SPA17: variants seen among roughly 807,000 people sequenced by gnomAD.
The protein encoded by SPA17 is sperm surface protein Sp17.
A neutral mutation model predicts 13.8 loss-of-function variants in SPA17; 7 were observed. That is an observed-to-expected ratio of 0.51 (90% CI 0.29 to 0.95). The LOEUF (loss-of-function observed/expected upper bound fraction) is 0.95. Ranked by LOEUF, SPA17 falls within the 40% of genes least tolerant of loss-of-function variation. SPA17 has a pLI of 0.08. For synonymous variants in SPA17, 61 were observed against 59.0 expected, an observed-to-expected ratio of 1.03 and a Z score of -0.16; for missense variants, 170 against 179.3, an observed-to-expected ratio of 0.95 and a Z score of 0.30.
chr11:124,692,763 A>G (rs944983442), intron 4 of SPA17, among the ~76,000 whole-genome samples: 1 of 152,138 alleles, frequency 6.6e-6, no homozygotes, highest in Non-Finnish European at 1.5e-5. Context: ...ATCATTGTCT[A>G]TATTCTTCAT....
chr11:124,697,170 T>C lies in SPA17; in HGVS notation c.*2724T>C, dbSNP rs1209796971. 1 of 152,270 alleles carries C rather than the reference T, an allele frequency of 6.6e-6. No individual in the cohort carries two copies. The highest frequency in any genetic ancestry group is 1.5e-5 in the Non-Finnish European group (1 of 68,070). 9.4% of individuals were successfully genotyped at this position (152,270 alleles called of 1,614,324 possible). A position where few individuals can be genotyped will look rare whatever the true frequency, so the allele number is the denominator to read the frequency against. ...TGTGAATTATTGCAATAACCTATATTGGCCAGTGATTATCTCACTACTACT... is the reference window on the plus strand; with the variant it reads ...TGTGAATTATTGCAATAACCTATATCGGCCAGTGATTATCTCACTACTACT... On this transcript the variant is annotated 3_prime_UTR_variant, in exon 5 of 5. Transcript: ENST00000227135.
intron 4 of SPA17, 100 bp from the exon 5 acceptor site, chr11:124,694,203 G>C: frequency 2.1e-6 from 3 of 1,446,936 alleles, no homozygotes; most frequent in Non-Finnish European, 2.8e-6. Context: ...CTCTCAGATA[G>C]TTGCATCCCT....
rs1452726290 is a variant in SPA17, at chr11:124,695,208, T to G, written c.*762T>G. 6.6e-6 allele frequency: 1 copy of G among 152,256 alleles called. No individual in the cohort carries two copies. The highest frequency in any genetic ancestry group is 1.5e-5 in the Non-Finnish European group (1 of 68,052). 9.4% of individuals were successfully genotyped at this position (152,256 alleles called of 1,614,324 possible). A position where few individuals can be genotyped will look rare whatever the true frequency, so the allele number is the denominator to read the frequency against. ...ATTCAATCATTTATTGAAAATGTAT[T>G]GAGTACTATTCATGTGCTGGGAATT... On this transcript the variant is annotated 3_prime_UTR_variant, in exon 5 of 5. Transcript: ENST00000227135.
intron 3 of SPA17, among the ~76,000 whole-genome samples, chr11:124,683,733 A>C (rs903194091): frequency 6.6e-6 from 1 of 151,730 alleles, no homozygotes; most frequent in Non-Finnish European, 1.5e-5. Context: ...ACAACAACAA[A>C]CAAGTTTATT....
intron 2 of SPA17, among the ~76,000 whole-genome samples, chr11:124,676,857 G>T (rs1943470024): frequency 6.6e-6 from 1 of 152,112 alleles, no homozygotes; most frequent in Admixed American, 6.6e-5. Flanking sequence ...GTTTAACCAT[G>T]TAACAAATCT....
chr11:124,692,121 C>G (rs1409207720), intron 4 of SPA17, among the ~76,000 whole-genome samples: 1 of 152,194 alleles, frequency 6.6e-6, no homozygotes, highest in Non-Finnish European at 1.5e-5. Flanking sequence ...CTAATTGGTG[C>G]TGTCACCACT....
intron 4 of SPA17, among the ~76,000 whole-genome samples, chr11:124,693,939 A>G (rs1363425587): frequency 1.3e-5 from 2 of 152,206 alleles, no homozygotes; most frequent in African/African-American, 4.8e-5. Context: ...TTGAAACATA[A>G]CATTTACAGT....
chr11:124,674,850 T>C (rs1254345406), intron 1 of SPA17: 2 of 153,930 alleles, frequency 1.3e-5, no homozygotes, highest in African/African-American at 4.8e-5. Flanking sequence ...TAAAAAAAAA[T>C]AGACCTCAAA....
At chr11:124,692,338 T>C (rs12296029) in intron 4 of SPA17, among the ~76,000 whole-genome samples, 2,877 of 152,030 alleles carry the variant, frequency 0.019, 72 homozygotes, top group African/African-American at 0.059. Flanking sequence ...CCCAGCACTT[T>C]GGGAGGCCAA....
intron 2 of SPA17, among the ~76,000 whole-genome samples, chr11:124,677,378 G>T (rs569562407): frequency 1.3e-5 from 2 of 152,252 alleles, no homozygotes; most frequent in South Asian, 4.1e-4. Flanking sequence ...GTTAGTATAT[G>T]ATTTAAATGG....
At chr11:124,677,182 A>G (rs1161864639) in intron 2 of SPA17, among the ~76,000 whole-genome samples, 7 of 152,146 alleles carry the variant, frequency 4.6e-5, no homozygotes, top group Non-Finnish European at 7.3e-5. Context: ...ACCCAATTCC[A>G]CCCATGTCAA....
intron 2 of SPA17, chr11:124,676,311 C>T (rs1195301877): frequency 6.6e-6 from 1 of 152,210 alleles, no homozygotes; most frequent in Non-Finnish European, 1.5e-5. Context: ...TCCCACGACC[C>T]CTGCCCCAAC....
At chr11:124,691,938 A>G (rs534284014) in intron 4 of SPA17, among the ~76,000 whole-genome samples, 156 bp downstream of exon 4, 1 of 152,358 alleles carries the variant, frequency 6.6e-6, no homozygotes, top group South Asian at 2.1e-4. Flanking sequence ...TAACTGGTAG[A>G]TAATTTTCAG....
At chr11:124,679,338 A>G (rs1943503840) in intron 2 of SPA17, among the ~76,000 whole-genome samples, 1 of 152,078 alleles carries the variant, frequency 6.6e-6, no homozygotes, top group Non-Finnish European at 1.5e-5. Flanking sequence ...AGCTGTTTTC[A>G]GTAATCATTG....
chr11:124,688,650 C>G (rs1020352732), intron 3 of SPA17, among the ~76,000 whole-genome samples: 1 of 152,132 alleles, frequency 6.6e-6, no homozygotes, highest in Admixed American at 6.5e-5. Flanking sequence ...TTAAAATGAC[C>G]ATACTTCTCA....
chr11:124,684,266 A>AT (rs578226081), intron 3 of SPA17, among the ~76,000 whole-genome samples: 8,753 of 146,768 alleles, frequency 0.06, 418 homozygotes, highest in African/African-American at 0.13. Context: ...TAATACAGTA[A>AT]TTTTTTTTTT....
intron 2 of SPA17, 121 bp downstream of exon 2, chr11:124,675,539 T>A (rs1943451544): frequency 9.5e-7 from 1 of 1,048,852 alleles, no homozygotes; most frequent in South Asian, 1.7e-5. Context: ...GAGTTTCAGA[T>A]AACAGTTCTT....
intron 3 of SPA17, among the ~76,000 whole-genome samples, chr11:124,690,486 G>A (rs1351704399): frequency 1.3e-5 from 2 of 152,178 alleles, no homozygotes; most frequent in East Asian, 1.9e-4. Flanking sequence ...TGGGAGAAAG[G>A]AGAATAATGA....
At chr11:124,685,048 G>C (rs1453148297) in intron 3 of SPA17, among the ~76,000 whole-genome samples, 5 of 152,248 alleles carry the variant, frequency 3.3e-5, no homozygotes, top group Non-Finnish European at 5.9e-5. Context: ...GCAGAATTTT[G>C]CATAAGCAAT....
Sources: allele counts gnomAD v4.1 joint callset (sites outside exome capture counted in the v4.1 genomes callset), GRCh38; gene constraint gnomAD v4.1.1; transcripts MANE v1.5; gene names NCBI Gene and HGNC (gene_info 2026-07-23, HGNC 2026-07-21).